The following EXOSC7 variants were observed in gnomAD, a reference collection of about 807,000 sequenced individuals.
EXOSC7 encodes exosome component 7.
Under a neutral mutation model 34.3 loss-of-function variants are expected in EXOSC7, and 25 were observed. The observed-to-expected ratio is 0.73, with a 90% confidence interval of 0.53 to 1.02. EXOSC7 has a LOEUF of 1.02. Ranked by LOEUF, EXOSC7 falls within the 50% of genes least tolerant of loss-of-function variation. The pLI is 0.00. For synonymous variants in EXOSC7, 130 were observed against 143.0 expected (o/e 0.91, Z 0.65); for missense variants, 370 against 368.5 (o/e 1.00, Z -0.03).
intron 6 of EXOSC7, among the ~76,000 whole-genome samples, chr3:45,006,163 C>T (rs1269174968): frequency 4.1e-5 from 6 of 147,780 alleles, no homozygotes; most frequent in Non-Finnish European, 5.9e-5. Context: ...CTGCAACCTC[C>T]GCCTCCCAGG....
intron 3 of EXOSC7, among the ~76,000 whole-genome samples, chr3:44,996,381 TA>T (rs1274330364): frequency 2.0e-5 from 3 of 152,168 alleles, no homozygotes; most frequent in Non-Finnish European, 4.4e-5. Flanking sequence ...TTGTTGAGGT[TA>T]TTGGGCATAA....
chr3:44,983,086 A>G (rs1211167238), intron 1 of EXOSC7, among the ~76,000 whole-genome samples: 2 of 152,224 alleles, frequency 1.3e-5, no homozygotes, highest in African/African-American at 2.4e-5. Flanking sequence ...CTTTGAGTCT[A>G]AAGTCCTTCC....
intron 3 of EXOSC7, among the ~76,000 whole-genome samples, chr3:44,996,026 GTT>G (rs1390006991): frequency 6.6e-6 from 1 of 152,154 alleles, no homozygotes; most frequent in African/African-American, 2.4e-5. Flanking sequence ...CTACCTCACT[GTT>G]TGCTCCCTAT....
Position 45,001,618 on chromosome 3 carries a change from C to T in EXOSC7, c.491+10C>T, listed in dbSNP as rs751471633. The T allele has an allele frequency of 6.2e-7, 1 of 1,600,708 alleles. No individual in the cohort carries two copies. On this transcript the variant is annotated intron_variant, in intron 5 of 7. Coordinates refer to ENST00000265564, the MANE Select transcript of EXOSC7 (RefSeq NM_015004.4). ...CTCTCTTCAATACAAGGTAAGTCTT[C>T]CTAGAAACAGCTCTGCGAACCTGTG...
intron 1 of EXOSC7, among the ~76,000 whole-genome samples, chr3:44,984,201 T>C (rs575513014): frequency 6.6e-6 from 1 of 152,338 alleles, no homozygotes; most frequent in South Asian, 2.1e-4. Context: ...CCAGATGTGG[T>C]GGCGCATGCC....
intron 3 of EXOSC7, among the ~76,000 whole-genome samples, chr3:44,990,403 G>A (rs191495663): frequency 6.6e-6 from 1 of 152,098 alleles, no homozygotes; most frequent in African/African-American, 2.4e-5. Flanking sequence ...CATTCTAGGG[G>A]TCGGGGCTTT....
At chr3:45,003,929 A>G (rs530235508) in intron 5 of EXOSC7, among the ~76,000 whole-genome samples, 1 of 152,266 alleles carries the variant, frequency 6.6e-6, no homozygotes, top group African/African-American at 2.4e-5. Flanking sequence ...TTTTTGCTGT[A>G]TGGTGTTCCA....
intron 3 of EXOSC7, among the ~76,000 whole-genome samples, chr3:44,996,083 C>G (rs1027912736): frequency 5.9e-5 from 9 of 152,200 alleles, no homozygotes; most frequent in Non-Finnish European, 1.2e-4. Context: ...TTTGGGTCTG[C>G]ATCCACCTCA....
chr3:44,987,465 C>G (rs141064856), intron 1 of EXOSC7, among the ~76,000 whole-genome samples: 63 of 152,322 alleles, frequency 4.1e-4, no homozygotes, highest in African/African-American at 1.5e-3. Flanking sequence ...CCAGCTACTT[C>G]AGAGGCTGAG....
At chr3:44,994,853 A>ATGGGTG (rs1284549946) in intron 3 of EXOSC7, among the ~76,000 whole-genome samples, 1 of 98,810 alleles carries the variant, frequency 1.0e-5, no homozygotes, top group Admixed American at 1.1e-4. Flanking sequence ...TGGTGGAAGA[A>ATGGGTG]TGGGTGTGTG....
intron 5 of EXOSC7, chr3:45,002,375 G>A: frequency 6.6e-6 from 1 of 152,024 alleles, no homozygotes; most frequent in Non-Finnish European, 1.5e-5. Context: ...GAATAAATGA[G>A]CAAAGATGTT....
Position 44,989,160 on chromosome 3 carries a change from C to T in EXOSC7, c.78C>T (p.Gly26=), listed in dbSNP as rs199702832. 2 of 1,613,960 alleles carry T rather than the reference C, an allele frequency of 1.2e-6. No individual in the cohort carries two copies. Among genetic ancestry groups the T allele is most frequent in the East Asian group, 2.2e-5 (1 of 44,884 alleles). ...CCTAGGAAGACCTCCGTGTGGATGG[C>T]CGTGGCTGTGAGGACTACCGATGTG... ...HGVQEDLRVD[G]RGCEDYRCVE... The change falls in exon 2 of 8, where the codon GGC becomes GGT. Residue 26 remains glycine, a synonymous_variant. Transcript: ENST00000265564.
rs1035322804 is a variant in EXOSC7, at chr3:45,011,444, A to G, written c.*105A>G. 15 of 726,182 alleles carry G rather than the reference A, an allele frequency of 2.1e-5. No homozygotes were observed. In the South Asian group the frequency reaches 2.4e-4, roughly 12 times the overall value. The allele number at this position is 726,182 out of a possible 1,614,324, so 45.0% of individuals were successfully genotyped here. ...TACGAATTTACAGCAGCATTTGTAC[A>G]TGTAAAATTAAAGGCTATTTTCTGG... is the stretch of plus-strand genomic sequence containing the variant. On this transcript the variant is annotated 3_prime_UTR_variant, in exon 8 of 8. Transcript: ENST00000265564.
chr3:44,985,106 T>TG (rs1706370957), intron 1 of EXOSC7, among the ~76,000 whole-genome samples: 1 of 151,968 alleles, frequency 6.6e-6, no homozygotes. Flanking sequence ...AGCTGGGGAG[T>TG]GGGGCACATG....
At chr3:44,983,832 A>AT (rs1212145753) in intron 1 of EXOSC7, among the ~76,000 whole-genome samples, 8 of 150,906 alleles carry the variant, frequency 5.3e-5, no homozygotes, top group Non-Finnish European at 8.8e-5. Context: ...GGTTTGGACA[A>AT]TTTCCTAAGC....
intron 1 of EXOSC7, among the ~76,000 whole-genome samples, chr3:44,978,463 G>C (rs1706183344): frequency 6.6e-6 from 1 of 152,166 alleles, no homozygotes; most frequent in Non-Finnish European, 1.5e-5. Context: ...GCTAGACTCA[G>C]GGGCTAGGAA....
Position 45,007,519 on chromosome 3 carries a change from A to T in EXOSC7, c.715A>T (p.Met239Leu). 6.2e-7 allele frequency: 1 copy of T among 1,613,974 alleles called. No individual in the cohort carries two copies. ...SVTSKGVVTCMRKVGKGSLDP... is the reference protein window; with the variant it reads ...SVTSKGVVTCLRKVGKGSLDP... ...GACCAGCAAGGGAGTTGTGACGTGC[A>T]TGAGGAAAGTGGGGAAGGGCAGCCT... Residue 239 changes from methionine (M) to leucine (L), a missense_variant, in exon 7 of 8, where the codon ATG becomes TTG. Around this residue, in one of 3 missense-constraint regions of EXOSC7, gnomAD observed 255 missense variants for 246.4 expected, o/e 1.03. Coordinates refer to ENST00000265564, the MANE Select transcript of EXOSC7 (RefSeq NM_015004.4).
intron 1 of EXOSC7, among the ~76,000 whole-genome samples, chr3:44,981,982 A>G (rs1199114809): frequency 6.6e-6 from 1 of 152,028 alleles, no homozygotes; most frequent in Non-Finnish European, 1.5e-5. Context: ...GGCTCCGTGG[A>G]TTATCTCATG....
At chr3:45,006,952 T>A (rs1223448448) in intron 6 of EXOSC7, among the ~76,000 whole-genome samples, 1 of 152,060 alleles carries the variant, frequency 6.6e-6, no homozygotes, top group East Asian at 1.9e-4. Context: ...CTCAAACTCC[T>A]GAGCTCAAGC....
Sources: gnomAD v4.1 joint callset for allele counts (sites outside exome capture counted in the v4.1 genomes callset) on GRCh38, gnomAD v4.1.1 for gene constraint, gnomAD v4.1.1 regional missense constraint, MANE v1.5 for transcripts, NCBI Gene and HGNC (gene_info 2026-07-23, HGNC 2026-07-21) for gene names.